DSCAM: variants seen among roughly 807,000 people sequenced by gnomAD.
The protein encoded by DSCAM is DS cell adhesion molecule, also known as cell adhesion molecule DSCAM.
A neutral mutation model predicts 217.7 loss-of-function variants in DSCAM; 47 were observed. The ratio of observed to expected loss-of-function variants is 0.22; its 90% CI spans 0.17 to 0.28. DSCAM has a LOEUF of 0.28. Among genes scored for constraint, DSCAM ranks in the 10% least tolerant of loss-of-function variants. The pLI is 1.00. For synonymous variants in DSCAM, 1,056 were observed against 1,015.3 expected, an observed-to-expected ratio of 1.04 and a Z score of -0.76; for missense variants, 2,080 against 2,618.3, an observed-to-expected ratio of 0.79 and a Z score of 4.49.
chr21:40,518,509 A>ATT lies in DSCAM; in HGVS notation c.509-149265_509-149264insAA, dbSNP rs1568871611. 1.7e-4 allele frequency among the ~76,000 whole-genome samples: 2 copies of ATT among 11,560 alleles called. 1 individual carries two copies. The highest frequency in any genetic ancestry group is 1.5e-3 in the African/African-American group (2 of 1,374). The allele number at this position is 11,560 out of a possible 152,430, so 7.6% of individuals were successfully genotyped here. ...TATATATATTATATATTATATATAT[A>ATT]ATATATATAATATATATTTTATATA... On this transcript the variant is annotated intron_variant, in intron 3 of 32. Transcript: ENST00000400454.
At position 40,189,222 on chromosome 21, in the gene DSCAM, T is replaced by A; in HGVS notation, c.2373A>T (p.Thr791=). 1 of 1,590,806 alleles carries A rather than the reference T, an allele frequency of 6.3e-7. No homozygotes were observed. Among genetic ancestry groups the A allele is most frequent in the Non-Finnish European group, 8.5e-7 (1 of 1,170,444 alleles). The part of the protein sequence containing the change: ...YLTVKIPAMI[T]SYPNTTLATQ... ...TGGCCAGGGTAGTATTTGGATAGGA[T>A]GTTATCATCGCAGGAACTGAAAAAG... Residue 791 remains threonine (T), a synonymous_variant, in exon 12 of 33, where the codon ACA becomes ACT. Transcript: ENST00000400454.
At position 40,301,612 on chromosome 21, in the gene DSCAM, A is replaced by ATCTGGTACCACAACCTTTATTACTCTCG; in HGVS notation, c.2063-5439_2063-5438insCGAGAGTAATAAAGGTTGTGGTACCAGA. 1.7e-5 allele frequency among the ~76,000 whole-genome samples: 2 copies of ATCTGGTACCACAACCTTTATTACTCTCG among 117,374 alleles called. 1 individual carries two copies. Among genetic ancestry groups the ATCTGGTACCACAACCTTTATTACTCTCG allele is most frequent in the African/African-American group, 1.0e-4 (2 of 19,906 alleles). 77.0% of individuals were successfully genotyped at this position (117,374 alleles called of 152,430 possible). On this transcript the variant is annotated intron_variant, in intron 9 of 32. Coordinates refer to ENST00000400454, the MANE Select transcript of DSCAM (RefSeq NM_001389.5). ...ACTTACCATAGCCTTTATTACGCTC[A>ATCTGGTACCACAACCTTTATTACTCTCG]TCTGGTATTGCTGTTTAACAGTCTG...
In DSCAM at chr21:40,201,629, C is replaced by T. The variant is rs188715573; in HGVS notation, c.2357-12391G>A. On this transcript the variant is annotated intron_variant, in intron 11 of 32. Transcript: ENST00000400454. ...GCTGATTTTGTATTTTTAGTAGAGA[C>T]GGGGTTTCTCCATGTTGGTCAGGTT... Among the ~76,000 whole-genome samples the T allele has an allele frequency of 9.9e-4, 151 of 152,166 alleles. 2 individuals carry two copies. In the East Asian group the frequency reaches 0.023, roughly 23 times the overall value.
intron 3 of DSCAM, among the ~76,000 whole-genome samples, chr21:40,483,102 G>A (rs371831432): frequency 3.3e-5 from 5 of 152,150 alleles, no homozygotes; most frequent in Admixed American, 2.0e-4. Context: ...AATGTCCCAC[G>A]CAATTCTTCT....
At position 40,052,316 on chromosome 21, in the gene DSCAM, G is replaced by C. The variant is rs73906391; in HGVS notation, c.5036-209C>G. 9.9e-3 allele frequency among the ~76,000 whole-genome samples: 1,510 copies of C among 152,284 alleles called. 30 individuals are homozygous for C. The highest frequency in any genetic ancestry group is 0.035 in the African/African-American group (1,438 of 41,552). The stretch of plus-strand genomic sequence containing the variant: ...AATAGAAGCTTCTTCCTAGGGGTTG[G>C]CTTTGGGAGCAATGAGCTAAGAAGA... On this transcript the variant is annotated intron_variant, in intron 29 of 32. Coordinates refer to ENST00000400454, the MANE Select transcript of DSCAM (RefSeq NM_001389.5).
chr21:40,033,494 C>A (rs112628578), intron 32 of DSCAM, among the ~76,000 whole-genome samples: 2 of 150,068 alleles, frequency 1.3e-5, no homozygotes, highest in Non-Finnish European at 3.0e-5. Context: ...CACCACGAGA[C>A]TATATCCCGC....
At position 40,458,197 on chromosome 21, in the gene DSCAM, C is replaced by G. The variant is rs148771256; in HGVS notation, c.509-88952G>C. Among the ~76,000 whole-genome samples the G allele has an allele frequency of 6.4e-3, 970 of 152,226 alleles. 19 individuals are homozygous for G. The highest frequency in any genetic ancestry group is 0.022 in the African/African-American group (922 of 41,522). On this transcript the variant is annotated intron_variant, in intron 3 of 32. Transcript: ENST00000400454. The stretch of plus-strand genomic sequence containing the variant: ...TTTACCTAATTCTATAACCTAAGGA[C>G]AGATAATTGACCTTCCTTCCCAGCA...
chr21:40,039,929 G>A (rs980055795), intron 32 of DSCAM, among the ~76,000 whole-genome samples: 6 of 152,152 alleles, frequency 3.9e-5, no homozygotes, highest in Non-Finnish European at 7.4e-5. Flanking sequence ...CAGACATGAC[G>A]AATATCATCT....
chr21:40,656,384 CTGT>C (rs764285550), intron 3 of DSCAM, among the ~76,000 whole-genome samples: 125 of 151,704 alleles, frequency 8.2e-4, no homozygotes, highest in Non-Finnish European at 1.3e-3. Flanking sequence ...CAGCCAAGCC[CTGT>C]TGTGCATGAG....
At chr21:40,242,913 G>C (rs1010297190) in intron 11 of DSCAM, among the ~76,000 whole-genome samples, 1 of 152,090 alleles carries the variant, frequency 6.6e-6, no homozygotes, top group African/African-American at 2.4e-5. Context: ...TCCACCTCAC[G>C]TACAGCTCTT....
chr21:40,748,497 T>A (rs2091196731), intron 1 of DSCAM, among the ~76,000 whole-genome samples: 1 of 151,920 alleles, frequency 6.6e-6, no homozygotes, highest in African/African-American at 2.4e-5. Flanking sequence ...TTACAAGGTA[T>A]AAATAAAATG....
intron 6 of DSCAM, among the ~76,000 whole-genome samples, chr21:40,342,639 TATATATATA>T (rs2074507493): frequency 9.9e-6 from 1 of 100,612 alleles, no homozygotes; most frequent in African/African-American, 4.0e-5. Flanking sequence ...TATATATATA[TATATATATA>T]TTTTTTTTTT....
At chr21:40,824,286 T>C (rs1365432159) in intron 1 of DSCAM, among the ~76,000 whole-genome samples, 1 of 152,176 alleles carries the variant, frequency 6.6e-6, no homozygotes, top group Non-Finnish European at 1.5e-5. Context: ...ACCAAAATAC[T>C]GCATTGATTG....
rs79161247 is a variant in DSCAM, at chr21:40,793,506, T to A, written c.43+53113A>T. On this transcript the variant is annotated intron_variant, in intron 1 of 32. Transcript: ENST00000400454. ...GGTGTTTTATTTTATTATTATTATTTTTTGAGACGGGGTCTCACTCTGTCC... is the reference window on the plus strand; with the variant it reads ...GGTGTTTTATTTTATTATTATTATTATTTGAGACGGGGTCTCACTCTGTCC... 0.014 allele frequency among the ~76,000 whole-genome samples: 2,101 copies of A among 152,292 alleles called. 100 individuals carry two copies. The East Asian group carries it at 0.18, about 13-fold the overall frequency.
chr21:40,075,277 A>T, intron 26 of DSCAM, 64 bp from the exon 27 acceptor site: 1 of 1,561,084 alleles, frequency 6.4e-7, no homozygotes, highest in African/African-American at 1.4e-5. Context: ...GCTTTTAGGG[A>T]TGACAGGTTA....
At chr21:40,517,292 TTA>T (rs1230981764) in intron 3 of DSCAM, among the ~76,000 whole-genome samples, 2 of 150,048 alleles carry the variant, frequency 1.3e-5, no homozygotes, top group African/African-American at 4.9e-5. Context: ...ATTTATATAT[TTA>T]TATATAAATG....
At chr21:40,411,382 A>G (rs1324308427) in intron 3 of DSCAM, among the ~76,000 whole-genome samples, 1 of 152,202 alleles carries the variant, frequency 6.6e-6, no homozygotes, top group African/African-American at 2.4e-5. Flanking sequence ...AACAAAGGAT[A>G]GATAGGATAA....
intron 3 of DSCAM, among the ~76,000 whole-genome samples, chr21:40,464,753 T>G (rs551208241): frequency 6.6e-6 from 1 of 151,862 alleles, no homozygotes; most frequent in Non-Finnish European, 1.5e-5. Flanking sequence ...CTTTTTTTTT[T>G]TTTTTTGAAG....
At chr21:40,259,565 C>A (rs1194421941) in intron 11 of DSCAM, among the ~76,000 whole-genome samples, 1 of 151,350 alleles carries the variant, frequency 6.6e-6, no homozygotes, top group African/African-American at 2.4e-5. Context: ...TTAAAAGTTA[C>A]CTCCATTTCC....
Sources: allele counts gnomAD v4.1 joint callset (sites outside exome capture counted in the v4.1 genomes callset), GRCh38; gene constraint gnomAD v4.1.1; transcripts MANE v1.5; gene names NCBI Gene and HGNC (gene_info 2026-07-23, HGNC 2026-07-21).